The following RERE variants were observed in gnomAD, a reference collection of about 807,000 sequenced individuals.
RERE encodes arginine-glutamic acid dipeptide repeats.
A neutral mutation model predicts 146.1 loss-of-function variants in RERE; 40 were observed. The observed-to-expected ratio is 0.27, with a 90% confidence interval of 0.21 to 0.36. RERE has a LOEUF of 0.36. Among genes scored for constraint, RERE ranks in the 10% least tolerant of loss-of-function variants. RERE has a pLI of 1.00. For synonymous variants in RERE, 1,003 were observed against 866.0 expected, an observed-to-expected ratio of 1.16 and a Z score of -2.78; for missense variants, 1,933 against 2,138.7, an observed-to-expected ratio of 0.90 and a Z score of 1.90.
At chr1:8,743,969 T>C (rs1640368044) in intron 1 of RERE, among the ~76,000 whole-genome samples, 1 of 152,210 alleles carries the variant, frequency 6.6e-6, no homozygotes, top group Non-Finnish European at 1.5e-5. Context: ...TTGGGTTTGT[T>C]TCACTTGCTG....
chr1:8,786,752 G>A (rs879260385), intron 1 of RERE: 5 of 778,800 alleles, frequency 6.4e-6, no homozygotes, highest in Non-Finnish European at 1.2e-5. Context: ...CTGTACATCT[G>A]CCTATATTCC....
chr1:8,385,893 C>T (rs1270741725), intron 12 of RERE, among the ~76,000 whole-genome samples: 8 of 138,316 alleles, frequency 5.8e-5, no homozygotes, highest in East Asian at 2.3e-4. Context: ...GGCGTGAACC[C>T]GGGAGGTGGA....
intron 10 of RERE, among the ~76,000 whole-genome samples, chr1:8,479,324 TC>T (rs1379749568): frequency 6.6e-6 from 1 of 151,766 alleles, no homozygotes; most frequent in African/African-American, 2.4e-5. Context: ...TTTTTAAATT[TC>T]AAAATAAGTA....
intron 1 of RERE, among the ~76,000 whole-genome samples, chr1:8,676,268 G>C (rs936930361): frequency 6.6e-6 from 1 of 152,146 alleles, no homozygotes; most frequent in Non-Finnish European, 1.5e-5. Context: ...GGAGTTCTCA[G>C]TGGGAATCTG....
chr1:8,774,345 C>CTTTTTTTTTTTTTTTTT, intron 1 of RERE, among the ~76,000 whole-genome samples: 1 of 103,514 alleles, frequency 9.7e-6, no homozygotes, highest in Non-Finnish European at 2.1e-5. Context: ...TTTTGGCAAA[C>CTTTTTTTTTTTTTTTTT]TATTTTTTTT....
At chr1:8,716,223 G>A (rs887306083) in intron 1 of RERE, among the ~76,000 whole-genome samples, 1 of 149,012 alleles carries the variant, frequency 6.7e-6, no homozygotes, top group African/African-American at 2.5e-5. Context: ...AACACTTTGA[G>A]AGGCCAAGGT....
intron 12 of RERE, among the ~76,000 whole-genome samples, chr1:8,388,253 C>G (rs548390503): frequency 6.6e-6 from 1 of 151,774 alleles, no homozygotes; most frequent in African/African-American, 2.4e-5. Context: ...AATACCCAGT[C>G]TAGTGGTTAT....
At chr1:8,365,752 G>A in intron 13 of RERE, 60 bp downstream of exon 13, 1 of 1,585,960 alleles carries the variant, frequency 6.3e-7, no homozygotes, top group Non-Finnish European at 8.6e-7. Flanking sequence ...CCCAGAGTGG[G>A]ACAGGCTGCC....
At chr1:8,557,023 T>C (rs895257910) in intron 5 of RERE, among the ~76,000 whole-genome samples, 1 of 150,910 alleles carries the variant, frequency 6.6e-6, no homozygotes, top group Non-Finnish European at 1.5e-5. Context: ...GGTTTTTTTA[T>C]AGTTTCAAAG....
intron 1 of RERE, among the ~76,000 whole-genome samples, chr1:8,755,887 A>T (rs1640630904): frequency 6.6e-6 from 1 of 152,184 alleles, no homozygotes; most frequent in African/African-American, 2.4e-5. Context: ...CAATATAGTG[A>T]GACTCCGTCT....
At chr1:8,624,759 A>G (rs1646954486) in intron 2 of RERE, among the ~76,000 whole-genome samples, 1 of 152,228 alleles carries the variant, frequency 6.6e-6, no homozygotes, top group South Asian at 2.1e-4. Flanking sequence ...ACATGTTCAC[A>G]TGTCTTCGAA....
At chr1:8,549,159 A>G (rs1645903130) in intron 6 of RERE, among the ~76,000 whole-genome samples, 1 of 152,154 alleles carries the variant, frequency 6.6e-6, no homozygotes, top group African/African-American at 2.4e-5. Flanking sequence ...CATGCCTAAT[A>G]CCCAGATCTT....
chr1:8,532,429 C>T (rs916759210), intron 7 of RERE, among the ~76,000 whole-genome samples: 3 of 72,050 alleles, frequency 4.2e-5, no homozygotes, highest in Non-Finnish European at 8.7e-5. Context: ...GGGGGGGGTC[C>T]GGGGAGGGGG....
intron 12 of RERE, chr1:8,381,159 ACT>A (rs1457840253): frequency 5.4e-6 from 2 of 368,776 alleles, no homozygotes; most frequent in Non-Finnish European, 1.1e-5. Flanking sequence ...ATGATTACCA[ACT>A]CTCTCACTCA....
At chr1:8,359,566 C>T (rs1220507342) in intron 19 of RERE, among the ~76,000 whole-genome samples, 198 bp downstream of exon 19, 1 of 152,230 alleles carries the variant, frequency 6.6e-6, no homozygotes, top group Non-Finnish European at 1.5e-5. Flanking sequence ...CCTAGACCTG[C>T]CATGCGCAGT....
At chr1:8,730,020 T>G (rs916717054) in intron 1 of RERE, among the ~76,000 whole-genome samples, 2 of 152,220 alleles carry the variant, frequency 1.3e-5, no homozygotes, top group Admixed American at 1.3e-4. Context: ...ACACCTGAGA[T>G]AGGCTGATAT....
Position 8,681,648 on chromosome 1 carries a change from T to G in RERE, c.-144-25207A>C, listed in dbSNP as rs1638974170. ...CAACAAATTGAGATTAGGTAACACT[T>G]TAAGTTCTATATCACAAGTCTTAAA... is the stretch of plus-strand genomic sequence containing the variant. On this transcript the variant is annotated intron_variant, in intron 1 of 22. Transcript: ENST00000400908. 1.3e-5 allele frequency among the ~76,000 whole-genome samples: 2 copies of G among 152,200 alleles called. 1 individual carries two copies. Among genetic ancestry groups the G allele is most frequent in the Non-Finnish European group, 2.9e-5 (2 of 68,030 alleles).
At chr1:8,636,278 G>T (rs1242970662) in intron 2 of RERE, among the ~76,000 whole-genome samples, 1 of 151,456 alleles carries the variant, frequency 6.6e-6, no homozygotes, top group Non-Finnish European at 1.5e-5. Context: ...GTAAGCCACC[G>T]CACCCGGCCA....
At chr1:8,393,289 C>T (rs916711287) in intron 12 of RERE, among the ~76,000 whole-genome samples, 2 of 152,156 alleles carry the variant, frequency 1.3e-5, no homozygotes, top group South Asian at 2.1e-4. Context: ...TTCTTATTTC[C>T]GCCTCCATCA....
Sources: gnomAD v4.1 joint callset for allele counts (sites outside exome capture counted in the v4.1 genomes callset) on GRCh38, gnomAD v4.1.1 for gene constraint, MANE v1.5 for transcripts, NCBI Gene and HGNC (gene_info 2026-07-23, HGNC 2026-07-21) for gene names.